ADAMTS6: variants seen among roughly 807,000 people sequenced by gnomAD.
ADAMTS6 encodes ADAM metallopeptidase with thrombospondin type 1 motif 6.
A neutral mutation model predicts 144.3 loss-of-function variants in ADAMTS6; 23 were observed. The observed-to-expected ratio is 0.16, with a 90% CI of 0.11 to 0.23. The LOEUF (loss-of-function observed/expected upper bound fraction) is 0.23, where lower values mean the gene tolerates loss of function less well. ADAMTS6 is among the 10% of genes least tolerant of loss of function. The pLI is 1.00. For synonymous variants in ADAMTS6, 444 were observed against 457.5 expected (o/e 0.97, Z 0.38); for missense variants, 999 against 1,379.6 (o/e 0.72, Z 4.37).
intron 14 of ADAMTS6, among the ~76,000 whole-genome samples, chr5:65,255,622 C>G (rs556643673): frequency 1.3e-5 from 2 of 152,204 alleles, no homozygotes; most frequent in South Asian, 4.1e-4. Flanking sequence ...TCAATATCAT[C>G]AGGGCAGAAG....
intron 7 of ADAMTS6, among the ~76,000 whole-genome samples, chr5:65,362,701 T>C (rs1462978951): frequency 6.6e-6 from 1 of 152,130 alleles, no homozygotes; most frequent in African/African-American, 2.4e-5. Flanking sequence ...CCATCACATA[T>C]TTTTCTTTTC....
intron 7 of ADAMTS6, among the ~76,000 whole-genome samples, chr5:65,427,049 T>A (rs1436239494): frequency 1.3e-5 from 2 of 151,960 alleles, no homozygotes; most frequent in African/African-American, 4.8e-5. Context: ...GATTTGCTAT[T>A]TAATAGAGGC....
chr5:65,250,882 T>C (rs1282833236), intron 14 of ADAMTS6, among the ~76,000 whole-genome samples: 2 of 152,236 alleles, frequency 1.3e-5, no homozygotes, highest in Non-Finnish European at 2.9e-5. Context: ...ATTTGGTTTA[T>C]AACCTTTATA....
At chr5:65,187,668 C>G (rs1231870737) in intron 22 of ADAMTS6, among the ~76,000 whole-genome samples, 1 of 152,134 alleles carries the variant, frequency 6.6e-6, no homozygotes, top group African/African-American at 2.4e-5. Flanking sequence ...CTTGACTCTC[C>G]TTTTGAACTT....
intron 3 of ADAMTS6, among the ~76,000 whole-genome samples, chr5:65,470,317 T>C (rs1345647319): frequency 6.6e-6 from 1 of 152,152 alleles, no homozygotes; most frequent in East Asian, 1.9e-4. Flanking sequence ...AAGATTTTAC[T>C]TCGAGAACTT....
At chr5:65,225,160 A>T (rs1215235143) in intron 16 of ADAMTS6, 113 bp from the exon 17 acceptor site, 2 of 1,247,884 alleles carry the variant, frequency 1.6e-6, no homozygotes, top group African/African-American at 1.5e-5. Context: ...GAAAAGAAAA[A>T]TAAGGTAATC....
intron 22 of ADAMTS6, among the ~76,000 whole-genome samples, chr5:65,173,753 G>A (rs1271637222): frequency 2.6e-5 from 4 of 152,064 alleles, no homozygotes; most frequent in East Asian, 1.9e-4. Context: ...GGCCAGGCAC[G>A]GCAGCTTACG....
chr5:65,288,836 T>A (rs1742003113), intron 11 of ADAMTS6, among the ~76,000 whole-genome samples: 3 of 152,220 alleles, frequency 2.0e-5, no homozygotes, highest in South Asian at 4.1e-4. Flanking sequence ...TCAGCTGCCA[T>A]CTGAAGTATG....
At chr5:65,349,557 T>C (rs1254019013) in intron 7 of ADAMTS6, among the ~76,000 whole-genome samples, 1 of 152,092 alleles carries the variant, frequency 6.6e-6, no homozygotes, top group Non-Finnish European at 1.5e-5. Flanking sequence ...GAAAGTGGGC[T>C]TAAAAAAGAC....
intron 3 of ADAMTS6, among the ~76,000 whole-genome samples, chr5:65,465,180 A>ATT (rs1759905381): frequency 6.6e-6 from 1 of 152,198 alleles, no homozygotes; most frequent in Non-Finnish European, 1.5e-5. Context: ...TCAGTATCCC[A>ATT]TTCTCCTGGA....
At chr5:65,384,656 T>C (rs1416572490) in intron 7 of ADAMTS6, among the ~76,000 whole-genome samples, 2 of 152,198 alleles carry the variant, frequency 1.3e-5, no homozygotes, top group East Asian at 3.9e-4. Flanking sequence ...TCTCCTCTTC[T>C]CCTGAGCACT....
intron 7 of ADAMTS6, among the ~76,000 whole-genome samples, chr5:65,441,021 CA>C (rs2150231988): frequency 6.6e-6 from 1 of 152,228 alleles, no homozygotes; most frequent in East Asian, 1.9e-4. Flanking sequence ...CAATAAAATA[CA>C]GTACATAATA....
chr5:65,222,779 C>T (rs1231203100), intron 18 of ADAMTS6, among the ~76,000 whole-genome samples: 5 of 151,820 alleles, frequency 3.3e-5, no homozygotes, highest in African/African-American at 7.2e-5. Flanking sequence ...TTCTTACATA[C>T]TGAAAACTAT....
chr5:65,443,622 CAAAAAAAA>C (rs59240974), intron 7 of ADAMTS6, among the ~76,000 whole-genome samples: 328 of 69,090 alleles, frequency 4.7e-3, no homozygotes, highest in Middle Eastern at 8.9e-3. Flanking sequence ...GACCCTGTCT[CAAAAAAAA>C]AAAAAAAAAA....
At chr5:65,475,380 T>C (rs544943422) in intron 1 of ADAMTS6, among the ~76,000 whole-genome samples, 6 of 152,300 alleles carry the variant, frequency 3.9e-5, no homozygotes, top group Admixed American at 3.9e-4. Flanking sequence ...CTACTATGTT[T>C]AAAAGATGAT....
chr5:65,275,384 A>C (rs1341642082), intron 11 of ADAMTS6, among the ~76,000 whole-genome samples: 1 of 147,006 alleles, frequency 6.8e-6, no homozygotes, highest in African/African-American at 2.6e-5. Context: ...AGAAAGAAAG[A>C]AAGAAAGAAA....
At chr5:65,275,316 AAGAG>A (rs765575397) in intron 11 of ADAMTS6, among the ~76,000 whole-genome samples, 4 of 148,844 alleles carry the variant, frequency 2.7e-5, no homozygotes, top group African/African-American at 4.9e-5. Context: ...GATGGAAAGA[AAGAG>A]AGAGAGACAG....
At chr5:65,258,319 G>T (rs978899262) in intron 14 of ADAMTS6, among the ~76,000 whole-genome samples, 3 of 152,120 alleles carry the variant, frequency 2.0e-5, no homozygotes, top group African/African-American at 4.8e-5. Flanking sequence ...CACTGCAAAA[G>T]CCCGAAGGTA....
chr5:65,410,128 G>C (rs916039925), intron 7 of ADAMTS6, among the ~76,000 whole-genome samples: 2 of 152,070 alleles, frequency 1.3e-5, no homozygotes, highest in Non-Finnish European at 2.9e-5. Flanking sequence ...GAGAAAATGT[G>C]GGAAAACACA....
Sources: allele counts gnomAD v4.1 joint callset (sites outside exome capture counted in the v4.1 genomes callset), GRCh38; gene constraint gnomAD v4.1.1; transcripts MANE v1.5; gene names NCBI Gene and HGNC (gene_info 2026-07-23, HGNC 2026-07-21).